WIPF2: variants seen among roughly 807,000 people sequenced by gnomAD.
WIPF2 encodes WAS/WASL-interacting protein family member 2.
WIPF2 carries 23 observed loss-of-function variants against 38.8 expected under a neutral mutation model. That is an observed-to-expected ratio of 0.59 (90% CI 0.43 to 0.84). The LOEUF (loss-of-function observed/expected upper bound fraction) is 0.84, where lower values mean the gene tolerates loss of function less well. Ranked by LOEUF, WIPF2 falls within the 40% of genes least tolerant of loss-of-function variation. The pLI, the probability that WIPF2 is intolerant of heterozygous loss-of-function variation, is 0.00. For missense variants in WIPF2, 574 were observed against 580.5 expected (o/e 0.99, Z 0.11); for synonymous variants, 210 against 223.2 (o/e 0.94, Z 0.53).
At chr17:40,224,332 C>T (rs1042480853) in intron 1 of WIPF2, among the ~76,000 whole-genome samples, 48 of 147,996 alleles carry the variant, frequency 3.2e-4, no homozygotes, top group African/African-American at 9.7e-4. Context: ...CCCAGGTTCA[C>T]GCCATTCTCC....
intron 5 of WIPF2, among the ~76,000 whole-genome samples, chr17:40,265,667 G>A (rs919519648): frequency 3.9e-4 from 60 of 151,970 alleles, no homozygotes; most frequent in African/African-American, 1.4e-3. Flanking sequence ...GGGGAGGGAA[G>A]AGTGGTAGGA....
At chr17:40,254,658 TG>T (rs1199097362) in intron 1 of WIPF2, among the ~76,000 whole-genome samples, 7 of 152,186 alleles carry the variant, frequency 4.6e-5, no homozygotes, top group African/African-American at 1.4e-4. Flanking sequence ...CTATACCAGA[TG>T]TTGGTAAACT....
intron 6 of WIPF2, among the ~76,000 whole-genome samples, chr17:40,274,523 G>A (rs2032331062): frequency 9.2e-6 from 1 of 108,284 alleles, no homozygotes; most frequent in South Asian, 3.4e-4. Flanking sequence ...TTACACATGT[G>A]AGCCATCACA....
chr17:40,269,600 CTTTT>C (rs1018733815), intron 5 of WIPF2, among the ~76,000 whole-genome samples: 25 of 109,792 alleles, frequency 2.3e-4, no homozygotes, highest in South Asian at 3.1e-4. Context: ...AAAACACTGT[CTTTT>C]TTTTTTTTTT....
intron 5 of WIPF2, among the ~76,000 whole-genome samples, chr17:40,267,345 G>C (rs2032119005): frequency 1.3e-5 from 2 of 152,076 alleles, no homozygotes; most frequent in Non-Finnish European, 2.9e-5. Context: ...GGTGAGGAGG[G>C]AATTTAGGAA....
In WIPF2 at chr17:40,260,566, A is replaced by G. The variant is rs991863894; in HGVS notation, c.95A>G (p.Asp32Gly). 1.2e-6 allele frequency: 2 copies of G among 1,613,802 alleles called. No homozygotes were observed. The highest frequency in any genetic ancestry group is 2.7e-5 in the African/African-American group (2 of 74,846). ...ANTEQPKLSRDEQRGRGALLQ... is the reference protein window; with the variant it reads ...ANTEQPKLSRGEQRGRGALLQ... The stretch of plus-strand genomic sequence containing the variant: ...ACAGAGCAGCCCAAGCTGAGTAGAG[A>G]TGAGCAGCGGGGTCGAGGCGCCCTC... The change falls in exon 3 of 8, where the codon GAT (aspartate) becomes GGT (glycine). Residue 32 changes from aspartate (D) to glycine (G), a missense_variant. Physicochemically the swap from Asp to Gly is moderately conservative, Grantham distance 94. Coordinates refer to ENST00000323571, the MANE Select transcript of WIPF2 (RefSeq NM_133264.5).
intron 5 of WIPF2, among the ~76,000 whole-genome samples, chr17:40,266,062 T>C (rs1411669279): frequency 1.3e-5 from 2 of 151,936 alleles, no homozygotes; most frequent in Non-Finnish European, 2.9e-5. Context: ...AGAGATACAT[T>C]TGAATGGTGT....
intron 1 of WIPF2, among the ~76,000 whole-genome samples, chr17:40,225,411 A>G (rs1406169113): frequency 2.6e-5 from 4 of 152,064 alleles, no homozygotes; most frequent in Non-Finnish European, 5.9e-5. Flanking sequence ...GCTAATGTCT[A>G]TGTCAGTCTT....
chr17:40,228,578 G>A (rs1469513496), intron 1 of WIPF2, among the ~76,000 whole-genome samples: 1 of 146,944 alleles, frequency 6.8e-6, no homozygotes, highest in Non-Finnish European at 1.5e-5. Flanking sequence ...TGTGTGCCAA[G>A]TACTGTGGTA....
intron 1 of WIPF2, among the ~76,000 whole-genome samples, chr17:40,222,655 T>TTTG (rs2145265171): frequency 5.4e-5 from 1 of 18,378 alleles, no homozygotes; most frequent in South Asian, 1.4e-3. Context: ...GCATATTCAG[T>TTTG]TTTTTTTTTT....
intron 7 of WIPF2, 22 bp from the exon 8 acceptor site, chr17:40,278,163 T>G: frequency 6.2e-7 from 1 of 1,609,426 alleles, no homozygotes; most frequent in Non-Finnish European, 8.5e-7. Context: ...ATGTGTGTGG[T>G]CTTTATTTTG....
chr17:40,271,783 G>A (rs575738311), intron 5 of WIPF2, among the ~76,000 whole-genome samples: 18 of 152,232 alleles, frequency 1.2e-4, no homozygotes, highest in Admixed American at 1.2e-3. Context: ...TTAATACACC[G>A]AAAATGCCTG....
Position 40,280,757 on chromosome 17 carries a change from C to T in WIPF2, c.*2532C>T, listed in dbSNP as rs371819571. ...GGCTGATATCTTCCTCCCCATGGCC[C>T]ACTGCCCCCTCATATTCCCCAGCAC... On this transcript the variant is annotated 3_prime_UTR_variant, in exon 8 of 8. Coordinates refer to ENST00000323571, the MANE Select transcript of WIPF2 (RefSeq NM_133264.5). The T allele has an allele frequency of 1.1e-4, 17 of 152,672 alleles. No homozygotes were observed. The East Asian group carries it at 2.3e-3, about 21-fold the overall frequency. 9.5% of individuals were successfully genotyped at this position (152,672 alleles called of 1,614,324 possible).
intron 1 of WIPF2, among the ~76,000 whole-genome samples, chr17:40,222,836 A>G (rs926894869): frequency 6.8e-5 from 10 of 147,664 alleles, no homozygotes; most frequent in African/African-American, 2.3e-4. Context: ...ACGCCCAGCT[A>G]ATTTTTTGTA....
At chr17:40,257,478 T>C (rs1340787869) in intron 2 of WIPF2, among the ~76,000 whole-genome samples, 1 of 152,084 alleles carries the variant, frequency 6.6e-6, no homozygotes, top group Non-Finnish European at 1.5e-5. Context: ...GAAGCTACTT[T>C]AGCCATACCT....
At chr17:40,259,122 T>C (rs2031821751) in intron 2 of WIPF2, among the ~76,000 whole-genome samples, 1 of 149,332 alleles carries the variant, frequency 6.7e-6, no homozygotes, top group African/African-American at 2.5e-5. Flanking sequence ...CAAGTGATCC[T>C]TTTGCCTGGG....
At chr17:40,242,051 A>G (rs1163653201) in intron 1 of WIPF2, among the ~76,000 whole-genome samples, 6 of 152,206 alleles carry the variant, frequency 3.9e-5, no homozygotes, top group Non-Finnish European at 2.9e-5. Context: ...TGGCTCTGAC[A>G]TAGAGTTGAT....
At position 40,256,457 on chromosome 17, in the gene WIPF2, A is replaced by G; in HGVS notation, c.-3A>G. 1 of 1,609,588 alleles carries G rather than the reference A, an allele frequency of 6.2e-7. No individual in the cohort carries two copies. Among genetic ancestry groups the G allele is most frequent in the Non-Finnish European group, 8.5e-7 (1 of 1,178,374 alleles). On this transcript the variant is annotated 5_prime_UTR_variant, in exon 2 of 8. Transcript: ENST00000323571. ...AACAGTGCCAACTGGGAGCAGGGCA[A>G]GAATGCCAATTCCTCCTCCCCCGCC...
At chr17:40,264,115 C>T (rs1353324212) in intron 4 of WIPF2, among the ~76,000 whole-genome samples, 1 of 151,670 alleles carries the variant, frequency 6.6e-6, no homozygotes, top group Admixed American at 6.6e-5. Flanking sequence ...GGCAGATCAC[C>T]TGAGGTTGGG....
Sources: allele counts gnomAD v4.1 joint callset (sites outside exome capture counted in the v4.1 genomes callset), GRCh38; gene constraint gnomAD v4.1.1; transcripts MANE v1.5; gene names NCBI Gene and HGNC (gene_info 2026-07-23, HGNC 2026-07-21).